Variants in R3HCC1L observed in about 807,000 individuals in gnomAD.
R3HCC1L encodes R3H domain and coiled-coil containing 1 like.
In R3HCC1L, 51 loss-of-function variants were observed where a neutral mutation model predicts 59.9. The observed-to-expected ratio is 0.85, with a 90% CI of 0.68 to 1.07. The LOEUF is 1.07. Ranked by LOEUF, R3HCC1L falls within the 50% of genes least tolerant of loss-of-function variation. The pLI is 0.00. For missense variants in R3HCC1L, 965 were observed against 933.0 expected, an observed-to-expected ratio of 1.03 and a Z score of -0.45; for synonymous variants, 322 against 315.2, an observed-to-expected ratio of 1.02 and a Z score of -0.23.
intron 4 of R3HCC1L, among the ~76,000 whole-genome samples, chr10:98,198,285 A>G (rs1035927649): frequency 1.3e-5 from 2 of 152,056 alleles, no homozygotes; most frequent in Non-Finnish European, 1.5e-5. Flanking sequence ...ACTTAATATA[A>G]TTTTTAATAC....
chr10:98,196,539 C>T (rs1236507707), intron 4 of R3HCC1L, among the ~76,000 whole-genome samples: 3 of 152,108 alleles, frequency 2.0e-5, no homozygotes, highest in African/African-American at 4.8e-5. Context: ...GACTATAAGG[C>T]GTGTGCTACC....
chr10:98,163,472 T>C (rs751329561), intron 4 of R3HCC1L, 75 bp downstream of exon 4: 2 of 982,902 alleles, frequency 2.0e-6, no homozygotes, highest in African/African-American at 1.6e-5. Flanking sequence ...GCTTGTATTT[T>C]GTTTCTTCAG....
intron 1 of R3HCC1L, among the ~76,000 whole-genome samples, chr10:98,136,944 C>T (rs1247939916): frequency 2.0e-5 from 3 of 152,194 alleles, no homozygotes; most frequent in Non-Finnish European, 4.4e-5. Context: ...GGCGCGGTGG[C>T]GCACGTCTGT....
intron 5 of R3HCC1L, among the ~76,000 whole-genome samples, chr10:98,225,750 T>C (rs1161848610): frequency 2.0e-5 from 3 of 152,224 alleles, no homozygotes; most frequent in Non-Finnish European, 4.4e-5. Context: ...AAATGAGATA[T>C]AAGTATACAA....
chr10:98,139,972 A>C (rs1172131990), intron 1 of R3HCC1L, among the ~76,000 whole-genome samples: 1 of 151,850 alleles, frequency 6.6e-6, no homozygotes, highest in Non-Finnish European at 1.5e-5. Context: ...ACATGGGTCA[A>C]ACTGAACATG....
intron 4 of R3HCC1L, among the ~76,000 whole-genome samples, chr10:98,181,165 G>GTACC (rs1359587280): frequency 1.3e-5 from 2 of 152,000 alleles, no homozygotes; most frequent in Admixed American, 1.3e-4. Context: ...GCTGTGGCTG[G>GTACC]TACCGGTTGT....
intron 4 of R3HCC1L, chr10:98,186,496 A>G: frequency 2.0e-6 from 2 of 982,820 alleles, no homozygotes; most frequent in Non-Finnish European, 2.4e-6. Context: ...GGTGTGGTGG[A>G]TCTTACATAA....
intron 5 of R3HCC1L, among the ~76,000 whole-genome samples, chr10:98,217,277 C>T (rs1469485900): frequency 2.0e-5 from 3 of 152,044 alleles, no homozygotes; most frequent in Non-Finnish European, 2.9e-5. Flanking sequence ...TTGAAGAGGG[C>T]GTGCTTTCCT....
At chr10:98,183,564 T>C (rs1319713448) in intron 4 of R3HCC1L, among the ~76,000 whole-genome samples, 2 of 152,182 alleles carry the variant, frequency 1.3e-5, no homozygotes, top group African/African-American at 4.8e-5. Flanking sequence ...TCTTATTGTC[T>C]CTCTTTCTGG....
In R3HCC1L at chr10:98,179,589, G is replaced by T. The variant is rs556511698; in HGVS notation, c.-15+16192G>T. On this transcript the variant is annotated intron_variant, in intron 4 of 9. Coordinates refer to ENST00000298999, the MANE Select transcript of R3HCC1L (RefSeq NM_001351015.2). Reference sequence around the variant, plus strand: ...GATGCTGGCCTCATAAAATGAGTTAGGGAGGATTCCCTCTTTTTCTATTGA... The same window carrying T: ...GATGCTGGCCTCATAAAATGAGTTATGGAGGATTCCCTCTTTTTCTATTGA... 9.9e-4 allele frequency among the ~76,000 whole-genome samples: 151 copies of T among 152,296 alleles called. 1 individual carries two copies. The highest frequency in any genetic ancestry group is 5.9e-4 in the Non-Finnish European group (40 of 68,020).
At chr10:98,196,951 C>CT (rs1316835522) in intron 4 of R3HCC1L, among the ~76,000 whole-genome samples, 1 of 152,130 alleles carries the variant, frequency 6.6e-6, no homozygotes, top group African/African-American at 2.4e-5. Context: ...GGGTCTTACT[C>CT]TGTCACCCAG....
At chr10:98,215,369 A>G (rs181886034) in intron 5 of R3HCC1L, among the ~76,000 whole-genome samples, 4 of 152,268 alleles carry the variant, frequency 2.6e-5, no homozygotes, top group East Asian at 1.9e-4. Flanking sequence ...TTTTAATTTT[A>G]TACATATTGA....
At chr10:98,150,289 G>T (rs1846019246) in intron 1 of R3HCC1L, among the ~76,000 whole-genome samples, 1 of 152,132 alleles carries the variant, frequency 6.6e-6, no homozygotes, top group Non-Finnish European at 1.5e-5. Flanking sequence ...TCTTGCTAGG[G>T]ACAGTTGGTT....
At chr10:98,134,851 C>T (rs903632962) in intron 1 of R3HCC1L, 145 bp downstream of exon 1, 8 of 152,388 alleles carry the variant, frequency 5.2e-5, no homozygotes, top group Admixed American at 4.6e-4. Context: ...GAGGGGCCGC[C>T]CCCTGCCTGG....
At chr10:98,230,272 C>T (rs560513943) in intron 5 of R3HCC1L, among the ~76,000 whole-genome samples, 203 of 152,274 alleles carry the variant, frequency 1.3e-3, no homozygotes, top group African/African-American at 4.4e-3. Context: ...TGTTATTGGT[C>T]TATTCAGAGA....
chr10:98,239,382 T>C (rs879391077), intron 9 of R3HCC1L, among the ~76,000 whole-genome samples: 5 of 152,180 alleles, frequency 3.3e-5, no homozygotes, highest in Non-Finnish European at 5.9e-5. Flanking sequence ...AGCATGGGAA[T>C]TGAAATCTAT....
intron 4 of R3HCC1L, among the ~76,000 whole-genome samples, chr10:98,206,063 A>T (rs971425668): frequency 6.6e-6 from 1 of 152,192 alleles, no homozygotes; most frequent in Non-Finnish European, 1.5e-5. Flanking sequence ...TGTCTCTTTT[A>T]TAGAGCAACT....
At chr10:98,231,965 T>A (rs566291819) in intron 6 of R3HCC1L, among the ~76,000 whole-genome samples, 1 of 152,122 alleles carries the variant, frequency 6.6e-6, no homozygotes, top group Non-Finnish European at 1.5e-5. Flanking sequence ...TTAATACATA[T>A]TGTAATTGTT....
At chr10:98,153,323 G>A (rs1346637317) in intron 1 of R3HCC1L, among the ~76,000 whole-genome samples, 2 of 152,148 alleles carry the variant, frequency 1.3e-5, no homozygotes, top group Non-Finnish European at 2.9e-5. Flanking sequence ...CCAACCCTGT[G>A]CTCTCTGAAA....
Sources: gnomAD v4.1 joint callset for allele counts (sites outside exome capture counted in the v4.1 genomes callset) on GRCh38, gnomAD v4.1.1 for gene constraint, MANE v1.5 for transcripts, NCBI Gene and HGNC (gene_info 2026-07-23, HGNC 2026-07-21) for gene names.